The following MMAB variants were observed in gnomAD, a reference collection of about 807,000 sequenced individuals.
The protein encoded by MMAB is metabolism of cobalamin associated B.
Under a neutral mutation model 30.6 loss-of-function variants are expected in MMAB, and 17 were observed. That is an observed-to-expected ratio of 0.56 (90% confidence interval 0.38 to 0.83). MMAB has a LOEUF of 0.83. Among genes scored for constraint, MMAB ranks in the 40% least tolerant of loss-of-function variants. The pLI, the probability that MMAB is intolerant of heterozygous loss-of-function variation, is 0.00. For missense variants in MMAB, 311 were observed against 331.6 expected, an observed-to-expected ratio of 0.94 and a Z score of 0.48; for synonymous variants, 134 against 138.6, an observed-to-expected ratio of 0.97 and a Z score of 0.23.
intron 4 of MMAB, among the ~76,000 whole-genome samples, chr12:109,563,908 G>A (rs1003685855): frequency 1.3e-5 from 2 of 152,196 alleles, no homozygotes; most frequent in African/African-American, 4.8e-5. Context: ...TGGAAAGTGC[G>A]GCACCCTGGG....
chr12:109,572,227 A>C (rs978880659), intron 1 of MMAB, among the ~76,000 whole-genome samples: 6 of 150,572 alleles, frequency 4.0e-5, no homozygotes, highest in African/African-American at 1.5e-4. Context: ...ATCCTACCGA[A>C]ATTATTTATT....
At chr12:109,573,284 C>A in intron 1 of MMAB, 63 bp downstream of exon 1, 1 of 1,605,426 alleles carries the variant, frequency 6.2e-7, no homozygotes. Flanking sequence ...TGTGACGTAC[C>A]CATGGCGACG....
intron 3 of MMAB, among the ~76,000 whole-genome samples, chr12:109,566,546 C>T (rs1884434743): frequency 2.6e-5 from 4 of 152,194 alleles, no homozygotes. Flanking sequence ...CGAGGGATGC[C>T]CCGTGACCAG....
intron 4 of MMAB, among the ~76,000 whole-genome samples, chr12:109,563,430 C>A (rs547098891): frequency 1.3e-5 from 2 of 152,218 alleles, no homozygotes; most frequent in African/African-American, 4.8e-5. Context: ...ACAGGCCCTG[C>A]GAGCGGCTAC....
At chr12:109,564,714 T>C in intron 4 of MMAB, 1 of 313,894 alleles carries the variant, frequency 3.2e-6, no homozygotes, top group Non-Finnish European at 6.2e-6. Flanking sequence ...GGTCTCAATC[T>C]CTTGCCCAGG....
chr12:109,573,419 C>T lies in MMAB; in HGVS notation c.62G>A (p.Cys21Tyr). 6.2e-7 allele frequency: 1 copy of T among 1,610,102 alleles called. No individual in the cohort carries two copies. Among genetic ancestry groups the T allele is most frequent in the Non-Finnish European group, 8.5e-7 (1 of 1,179,222 alleles). The change falls in exon 1 of 9, where the codon TGC becomes TAC. Residue 21 changes from cysteine (C) to tyrosine (Y), a missense_variant. Transcript: ENST00000545712. The stretch of plus-strand genomic sequence containing the variant: ...ATACAGGAGCCTGGCGGCGCCGAAG[C>T]ACCCGCGCAGGCCAAGACGGCTCCC... ...GLGSRLGLRG[C>Y]FGAARLLYPR...
At chr12:109,563,030 CAAG>C (rs1884270591) in intron 4 of MMAB, among the ~76,000 whole-genome samples, 1 of 152,226 alleles carries the variant, frequency 6.6e-6, no homozygotes, top group Non-Finnish European at 1.5e-5. Flanking sequence ...TGACAGCATT[CAAG>C]AAGCAGGCCA....
intron 3 of MMAB, chr12:109,567,099 G>A (rs1884458668): frequency 6.6e-6 from 3 of 451,276 alleles, no homozygotes; most frequent in South Asian, 1.6e-5. Context: ...GAACCCGGGA[G>A]GCAGAGGTTG....
intron 8 of MMAB, among the ~76,000 whole-genome samples, chr12:109,557,590 G>A (rs1014746211): frequency 6.6e-6 from 1 of 152,240 alleles, no homozygotes; most frequent in African/African-American, 2.4e-5. Flanking sequence ...TGCAGGTCTA[G>A]TTCCTGCCCT....
chr12:109,554,170 A>G lies in MMAB; in HGVS notation c.*2858T>C, dbSNP rs1291479158. On this transcript the variant is annotated 3_prime_UTR_variant, in exon 9 of 9. Coordinates refer to ENST00000545712, the MANE Select transcript of MMAB (RefSeq NM_052845.4). ...GCTCACATCTTGGCACTGACTCCCC[A>G]GGACAACTTGGTTCCCCACCCAATG... 8.8e-6 allele frequency: 4 copies of G among 453,380 alleles called. No homozygotes were observed. Among genetic ancestry groups the G allele is most frequent in the South Asian group, 6.2e-5 (4 of 64,462 alleles). The allele number at this position is 453,380 out of a possible 1,614,324, so 28.1% of individuals were successfully genotyped here. A position where few individuals can be genotyped will look rare whatever the true frequency, so the allele number is the denominator to read the frequency against.
chr12:109,571,358 C>T (rs1884620653), intron 2 of MMAB, among the ~76,000 whole-genome samples: 1 of 152,002 alleles, frequency 6.6e-6, no homozygotes, highest in Admixed American at 6.6e-5. Flanking sequence ...AAGCAATTCT[C>T]CTGCCTCAGC....
chr12:109,556,963 G>A lies in MMAB; in HGVS notation c.*65C>T. ...TCTTCAGGAACCAGGACCCCAGAAG[G>A]GCAAGCTCCTCTCTCCACGGCCATC... On this transcript the variant is annotated 3_prime_UTR_variant, in exon 9 of 9. Transcript: ENST00000545712. The A allele has an allele frequency of 8.9e-7, 1 of 1,127,250 alleles. No homozygotes were observed. The highest frequency in any genetic ancestry group is 1.3e-6 in the Non-Finnish European group (1 of 741,814). The allele number at this position is 1,127,250 out of a possible 1,614,324, so 69.8% of individuals were successfully genotyped here.
rs570974354 is a variant in MMAB at position 109,569,942 on chromosome 12, C to T, written c.197-1079G>A. The T allele has an allele frequency of 1.2e-5, 2 of 168,482 alleles. No homozygotes were observed. Among genetic ancestry groups the T allele is most frequent in the Admixed American group, 6.5e-5 (1 of 15,472 alleles). The allele number at this position is 168,482 out of a possible 1,614,324, so 10.4% of individuals were successfully genotyped here. The stretch of plus-strand genomic sequence containing the variant: ...CAGCGTTAGCACCTCTTTGTCCCTT[C>T]TGTCTTCTAGAAACAAATTATTAAC... On this transcript the variant is annotated intron_variant, in intron 2 of 8. Coordinates refer to ENST00000545712, the MANE Select transcript of MMAB (RefSeq NM_052845.4). This position sits in a 1 kb window ranked among gnomAD's most constrained non-coding sequence, Gnocchi z 4.1.
rs2136199131 is a variant in MMAB, at chr12:109,561,426, G to A, written c.513C>T (p.Ile171=). The change falls in exon 6 of 9, where the codon ATC becomes ATT. Residue 171 remains isoleucine, a synonymous_variant. Coordinates refer to ENST00000545712, the MANE Select transcript of MMAB (RefSeq NM_052845.4). The surrounding 1 kb of genome is among the most constrained non-coding windows in gnomAD (Gnocchi z 5.3). ...TSQLPPLTAF[I]LPSGGKISSA... The stretch of plus-strand genomic sequence containing the variant: ...AAGCCTGCCCAGTACCTACAGGCAG[G>A]ATGAAGGCCGTGAGTGGTGGGAGCT... 6.4e-7 allele frequency: 1 copy of A among 1,550,848 alleles called. No homozygotes were observed. Among genetic ancestry groups the A allele is most frequent in the Non-Finnish European group, 8.7e-7 (1 of 1,146,942 alleles).
chr12:109,567,163 T>G, intron 3 of MMAB: 1 of 357,658 alleles, frequency 2.8e-6, no homozygotes, highest in Non-Finnish European at 5.6e-6. Context: ...AGCGCGAAAC[T>G]CCGTCTCGGA....
chr12:109,568,378 A>G, intron 3 of MMAB: 1 of 302,332 alleles, frequency 3.3e-6, no homozygotes, highest in South Asian at 3.4e-5. Context: ...CCTTGAGTCC[A>G]CCTTCTAAAC....
At chr12:109,571,822 C>A (rs1884640919) in intron 1 of MMAB, 112 bp from the exon 2 acceptor site, 2 of 825,650 alleles carry the variant, frequency 2.4e-6, no homozygotes, top group African/African-American at 1.7e-5. Flanking sequence ...AGCACTTACC[C>A]CTTACTGCTT....
chr12:109,559,031 CGCT>C (rs1315346549), intron 8 of MMAB, 62 bp downstream of exon 8: 6 of 1,266,538 alleles, frequency 4.7e-6, no homozygotes, highest in Non-Finnish European at 6.9e-6. Flanking sequence ...ACCGCTGCAC[CGCT>C]GCTACTTCCC....
At chr12:109,559,954 A>G (rs2136196418) in intron 7 of MMAB, among the ~76,000 whole-genome samples, 1 of 152,308 alleles carries the variant, frequency 6.6e-6, no homozygotes, top group East Asian at 1.9e-4. Context: ...CCACCTCAGG[A>G]CAATCTGCAC....
Sources: allele counts gnomAD v4.1 joint callset (sites outside exome capture counted in the v4.1 genomes callset), GRCh38; gene constraint gnomAD v4.1.1; non-coding constraint Gnocchi (gnomAD v3.1); transcripts MANE v1.5; gene names NCBI Gene and HGNC (gene_info 2026-07-23, HGNC 2026-07-21).